LATS1: variants seen among roughly 807,000 people sequenced by gnomAD.
The protein encoded by LATS1 is large tumor suppressor kinase 1, also known as serine/threonine-protein kinase LATS1.
In LATS1, 25 loss-of-function variants were observed where a neutral mutation model predicts 106.6. The ratio of observed to expected loss-of-function variants is 0.23; its 90% CI spans 0.17 to 0.33. The LOEUF is 0.33. LATS1 is among the 10% of genes least tolerant of loss of function. The probability of loss-of-function intolerance (pLI) is 1.00; values close to 1 mark genes in which losing one functional copy is unlikely to be tolerated. For synonymous variants in LATS1, 465 were observed against 455.6 expected (o/e 1.02, Z -0.26); for missense variants, 1,040 against 1,382.6 (o/e 0.75, Z 3.93).
chr6:149,701,221 TTAAA>T (rs1783443125), intron 2 of LATS1, among the ~76,000 whole-genome samples: 2 of 152,250 alleles, frequency 1.3e-5, no homozygotes, highest in Non-Finnish European at 2.9e-5. Flanking sequence ...AATGAAATGA[TTAAA>T]TATATGGGTT....
In LATS1 at chr6:149,659,011, T is replaced by G. The variant is rs1780795503; in HGVS notation, c.*2718A>C. ...TTTTAACATTGTTTTTCTCATCTTTTTGGTCAGGAAGCACCAGATTCTATA... is the reference window on the plus strand; with the variant it reads ...TTTTAACATTGTTTTTCTCATCTTTGTGGTCAGGAAGCACCAGATTCTATA... On this transcript the variant is annotated 3_prime_UTR_variant, in exon 8 of 8. Coordinates refer to ENST00000543571, the MANE Select transcript of LATS1 (RefSeq NM_004690.4). 6.6e-6 allele frequency: 1 copy of G among 152,428 alleles called. No homozygotes were observed. The highest frequency in any genetic ancestry group is 1.5e-5 in the Non-Finnish European group (1 of 68,166). The allele number at this position is 152,428 out of a possible 1,614,324, so 9.4% of individuals were successfully genotyped here. A position where few individuals can be genotyped will look rare whatever the true frequency, so the allele number is the denominator to read the frequency against.
At chr6:149,668,606 C>T (rs1781285430) in intron 7 of LATS1, among the ~76,000 whole-genome samples, 1 of 124,186 alleles carries the variant, frequency 8.1e-6, no homozygotes, top group Non-Finnish European at 1.6e-5. Flanking sequence ...CCATGCCCAG[C>T]TATTTTTTTT....
chr6:149,680,778 A>C (rs911646658), intron 4 of LATS1, among the ~76,000 whole-genome samples: 1 of 151,444 alleles, frequency 6.6e-6, no homozygotes, highest in African/African-American at 2.4e-5. Context: ...AATGTGCAAC[A>C]AACATCTGTT....
chr6:149,681,780 G>GT (rs944279542), intron 4 of LATS1, among the ~76,000 whole-genome samples: 4 of 152,170 alleles, frequency 2.6e-5, no homozygotes, highest in Non-Finnish European at 5.9e-5. Context: ...AGTGACAGAT[G>GT]TAAGATTAGG....
chr6:149,717,811 C>G (rs1052259259), intron 1 of LATS1, 38 bp downstream of exon 1: 5 of 287,700 alleles, frequency 1.7e-5, no homozygotes, highest in Non-Finnish European at 3.4e-5. Context: ...AACTCGAGCA[C>G]TGGAGGAGCG....
At chr6:149,711,713 G>A (rs1438981575) in intron 1 of LATS1, among the ~76,000 whole-genome samples, 3 of 152,114 alleles carry the variant, frequency 2.0e-5, no homozygotes, top group African/African-American at 7.2e-5. Context: ...CACTTCACAG[G>A]TGGTCAAGGA....
chr6:149,684,712 A>G (rs1782266601), intron 3 of LATS1, 120 bp from the exon 4 acceptor site: 5 of 693,002 alleles, frequency 7.2e-6, no homozygotes, highest in Non-Finnish European at 1.1e-5. Flanking sequence ...CAAGAATTAT[A>G]AAAATATAAA....
chr6:149,706,068 A>G lies in LATS1; in HGVS notation c.-140-3802T>C, dbSNP rs186115665. Among the ~76,000 whole-genome samples, 662 of 151,630 alleles carry G rather than the reference A, an allele frequency of 4.4e-3. 3 individuals carry two copies. Among genetic ancestry groups the G allele is most frequent in the African/African-American group, 0.015 (628 of 41,314 alleles). On this transcript the variant is annotated intron_variant, in intron 1 of 7. Coordinates refer to ENST00000543571, the MANE Select transcript of LATS1 (RefSeq NM_004690.4). Reference sequence around the variant, plus strand: ...TGTGGTGGCACATGCCTGTAATCTCAGCTACTCGGGAGGCTAAGGCAGGAG... The same window carrying G: ...TGTGGTGGCACATGCCTGTAATCTCGGCTACTCGGGAGGCTAAGGCAGGAG...
chr6:149,666,339 C>A (rs879471521), intron 7 of LATS1, among the ~76,000 whole-genome samples: 1 of 151,554 alleles, frequency 6.6e-6, no homozygotes, highest in Admixed American at 6.6e-5. Context: ...CATTATAGGC[C>A]GGGTGCGGTG....
At chr6:149,695,611 A>G (rs1053676247) in intron 2 of LATS1, among the ~76,000 whole-genome samples, 4 of 151,204 alleles carry the variant, frequency 2.6e-5, no homozygotes, top group Non-Finnish European at 5.9e-5. Flanking sequence ...TGGGAGGTGG[A>G]TGTTGCAGCA....
chr6:149,678,514 A>G (rs191645284), intron 5 of LATS1, among the ~76,000 whole-genome samples: 28 of 152,358 alleles, frequency 1.8e-4, no homozygotes, highest in Admixed American at 1.8e-3. Flanking sequence ...GTCGAACATT[A>G]AAGTAGGTTC....
rs942682409 is a variant in LATS1 at position 149,659,450 on chromosome 6, C to T, written c.*2279G>A. The T allele has an allele frequency of 1.4e-5, 3 of 220,082 alleles. No homozygotes were observed. The highest frequency in any genetic ancestry group is 2.7e-5 in the Non-Finnish European group (3 of 109,772). 13.6% of individuals were successfully genotyped at this position (220,082 alleles called of 1,614,324 possible). On this transcript the variant is annotated 3_prime_UTR_variant, in exon 8 of 8. Transcript: ENST00000543571. ...CTCCAGCCTGGGTGACAGAGTGAGA[C>T]CCTGTCTCAAAACAAAAAACAAAAA...
intron 7 of LATS1, among the ~76,000 whole-genome samples, chr6:149,666,550 G>A (rs905396346): frequency 4.6e-5 from 7 of 152,030 alleles, no homozygotes; most frequent in Middle Eastern, 6.8e-3. Flanking sequence ...CCCGGGAGGC[G>A]GTGGCGGAGG....
chr6:149,717,067 T>A (rs894933247), intron 1 of LATS1, among the ~76,000 whole-genome samples: 3 of 152,228 alleles, frequency 2.0e-5, no homozygotes, highest in Admixed American at 6.5e-5. Flanking sequence ...ACAATATTAC[T>A]TCTGTGCATG....
intron 1 of LATS1, among the ~76,000 whole-genome samples, chr6:149,713,268 G>A (rs951449983): frequency 2.0e-5 from 3 of 151,754 alleles, no homozygotes; most frequent in East Asian, 1.9e-4. Context: ...CATAAAAGTC[G>A]AAATCTCTGT....
chr6:149,689,723 G>C (rs1319821337), intron 3 of LATS1, among the ~76,000 whole-genome samples: 5 of 152,096 alleles, frequency 3.3e-5, no homozygotes, highest in Non-Finnish European at 7.4e-5. Flanking sequence ...TTCTATTTCA[G>C]AGAAAACAGC....
At chr6:149,696,642 C>T (rs4354168) in intron 2 of LATS1, among the ~76,000 whole-genome samples, 69,192 of 149,590 alleles carry the variant, frequency 0.46, 17,241 homozygotes, top group East Asian at 0.81. Context: ...TGCCATTGTG[C>T]ATAGTAGTTC....
At position 149,683,212 on chromosome 6, in the gene LATS1, C is replaced by T. The variant is rs766836005; in HGVS notation, c.1877G>A (p.Arg626Gln). ...TVRKNKKDEE[R>Q]RESRIQSYSP... ...ATAACTTTGAATACGAGATTCCCTT[C>T]GCTCTTCATCTTTCTTGTTTTTCCT... Residue 626 changes from arginine (R) to glutamine (Q), a missense_variant, in exon 4 of 8, where the codon CGA becomes CAA. Transcript: ENST00000543571. 1.3e-5 allele frequency: 21 copies of T among 1,614,018 alleles called. No individual in the cohort carries two copies. Among genetic ancestry groups the T allele is most frequent in the East Asian group, 1.1e-4 (5 of 44,890 alleles).
intron 7 of LATS1, among the ~76,000 whole-genome samples, chr6:149,668,797 A>G (rs996864098): frequency 6.6e-6 from 1 of 151,708 alleles, no homozygotes; most frequent in Admixed American, 6.6e-5. Context: ...AAATTGTTAC[A>G]TTGTTGGATG....
Sources: gnomAD v4.1 joint callset for allele counts (sites outside exome capture counted in the v4.1 genomes callset) on GRCh38, gnomAD v4.1.1 for gene constraint, MANE v1.5 for transcripts, NCBI Gene and HGNC (gene_info 2026-07-23, HGNC 2026-07-21) for gene names.